Variants in EXOC4 observed in about 807,000 individuals in gnomAD.
EXOC4 encodes SEC8-like 1.
Under a neutral mutation model 107.2 loss-of-function variants are expected in EXOC4, and 71 were observed. That is an observed-to-expected ratio of 0.66 (90% CI 0.55 to 0.81). The LOEUF is 0.81. Ranked by LOEUF, EXOC4 falls within the 30% of genes least tolerant of loss-of-function variation. The probability of loss-of-function intolerance (pLI) is 0.00; values close to 1 mark genes in which losing one functional copy is unlikely to be tolerated. For missense variants in EXOC4, 1,108 were observed against 1,189.6 expected, an observed-to-expected ratio of 0.93 and a Z score of 1.01; for synonymous variants, 456 against 441.2, an observed-to-expected ratio of 1.03 and a Z score of -0.42.
chr7:133,746,000 T>G (rs1052042693), intron 10 of EXOC4, among the ~76,000 whole-genome samples: 2 of 152,140 alleles, frequency 1.3e-5, no homozygotes, highest in African/African-American at 4.8e-5. Context: ...TTAAAAAGGC[T>G]ATTTTTAAAA....
At chr7:133,694,031 C>CTT (rs1794477911) in intron 10 of EXOC4, among the ~76,000 whole-genome samples, 18 of 152,002 alleles carry the variant, frequency 1.2e-4, no homozygotes, top group Admixed American at 1.2e-3. Context: ...TTTGGGAGGC[C>CTT]AAGGTGGGCG....
At chr7:134,063,652 C>T (rs1013546120) in intron 17 of EXOC4, among the ~76,000 whole-genome samples, 4 of 152,128 alleles carry the variant, frequency 2.6e-5, no homozygotes, top group Non-Finnish European at 4.4e-5. Flanking sequence ...TCCTTGTCTC[C>T]GAGCTACTTG....
At chr7:133,633,664 G>C (rs1275629671) in intron 10 of EXOC4, among the ~76,000 whole-genome samples, 1 of 150,526 alleles carries the variant, frequency 6.6e-6, no homozygotes, top group Non-Finnish European at 1.5e-5. Flanking sequence ...GTTGCAGTGA[G>C]CTGAGATCGC....
chr7:133,734,434 C>CTTT (rs67012753), intron 10 of EXOC4, among the ~76,000 whole-genome samples: 3 of 145,690 alleles, frequency 2.1e-5, no homozygotes, highest in Non-Finnish European at 3.0e-5. Context: ...TAATTCTTCA[C>CTTT]TTTTTTTTTT....
chr7:133,468,515 A>G (rs1798789261), intron 7 of EXOC4, among the ~76,000 whole-genome samples: 1 of 152,296 alleles, frequency 6.6e-6, no homozygotes, highest in African/African-American at 2.4e-5. Flanking sequence ...AAATATCATT[A>G]TATTATTTCA....
At chr7:134,068,917 G>A (rs1011920044), downstream of EXOC4, among the ~76,000 whole-genome samples, 2 of 152,176 alleles carry the variant, frequency 1.3e-5, no homozygotes, top group Non-Finnish European at 2.9e-5. Flanking sequence ...GCCTGTTACA[G>A]CTCAGGTTGA....
chr7:133,484,285 T>C, intron 9 of EXOC4: 1 of 1,070,258 alleles, frequency 9.3e-7, no homozygotes, highest in South Asian at 2.0e-5. Flanking sequence ...CTGTTGGCAG[T>C]TGGGCTGCGG....
intron 17 of EXOC4, among the ~76,000 whole-genome samples, chr7:134,049,578 T>C (rs912563132): frequency 5.6e-4 from 85 of 152,182 alleles, no homozygotes; most frequent in African/African-American, 1.8e-3. Context: ...TATTAAGCCT[T>C]CCCTGGCTGC....
chr7:133,423,793 C>T (rs7803848), intron 7 of EXOC4, among the ~76,000 whole-genome samples: 54,781 of 151,884 alleles, frequency 0.36, 10,408 homozygotes, highest in African/African-American at 0.47. Context: ...GCCTTGTGGC[C>T]GGCACGGGAT....
chr7:134,056,164 C>A (rs1024223181), intron 17 of EXOC4, among the ~76,000 whole-genome samples: 2 of 152,042 alleles, frequency 1.3e-5, no homozygotes, highest in Admixed American at 6.6e-5. Flanking sequence ...CTTTTTATCA[C>A]CCTATGATAT....
intron 10 of EXOC4, among the ~76,000 whole-genome samples, chr7:133,765,514 C>T (rs991169077): frequency 9.9e-5 from 15 of 152,006 alleles, no homozygotes; most frequent in South Asian, 2.1e-4. Context: ...ATGGACAAAT[C>T]GTTTATTTCT....
chr7:133,588,126 G>A (rs1801449545), intron 9 of EXOC4, among the ~76,000 whole-genome samples: 1 of 152,160 alleles, frequency 6.6e-6, no homozygotes, highest in South Asian at 2.1e-4. Flanking sequence ...CTACTGGAAG[G>A]CAGGAATGCC....
chr7:134,000,495 A>G (rs189065141), intron 15 of EXOC4, among the ~76,000 whole-genome samples: 26 of 152,242 alleles, frequency 1.7e-4, no homozygotes, highest in African/African-American at 6.0e-4. Context: ...GTGATTAAGA[A>G]TTAGTTGGTT....
At chr7:133,782,753 C>CT (rs2151175024) in intron 10 of EXOC4, among the ~76,000 whole-genome samples, 1 of 152,200 alleles carries the variant, frequency 6.6e-6, no homozygotes, top group South Asian at 2.1e-4. Flanking sequence ...GACCCGGGTA[C>CT]TTAACTACAA....
At chr7:133,848,520 C>T (rs1177612465) in intron 11 of EXOC4, among the ~76,000 whole-genome samples, 1 of 152,192 alleles carries the variant, frequency 6.6e-6, no homozygotes, top group African/African-American at 2.4e-5. Flanking sequence ...GTAATTGTAT[C>T]TTAGATAGAA....
chr7:133,510,541 T>C (rs1402573296), intron 9 of EXOC4, among the ~76,000 whole-genome samples: 2 of 152,164 alleles, frequency 1.3e-5, no homozygotes, highest in Non-Finnish European at 2.9e-5. Flanking sequence ...TTTTCTTATC[T>C]CTAAAAGGTG....
At chr7:133,580,464 T>G (rs986176466) in intron 9 of EXOC4, among the ~76,000 whole-genome samples, 2 of 152,222 alleles carry the variant, frequency 1.3e-5, no homozygotes, top group Admixed American at 6.5e-5. Flanking sequence ...TTCACAGTAG[T>G]GCCCATAGGT....
At chr7:133,667,810 C>T (rs527428444) in intron 10 of EXOC4, among the ~76,000 whole-genome samples, 1 of 152,304 alleles carries the variant, frequency 6.6e-6, no homozygotes, top group Admixed American at 6.5e-5. Flanking sequence ...TTCCAACAGT[C>T]ACTCAGTTGT....
chr7:133,541,290 A>G (rs575100645), intron 9 of EXOC4, among the ~76,000 whole-genome samples: 1 of 152,156 alleles, frequency 6.6e-6, no homozygotes, highest in East Asian at 1.9e-4. Context: ...CTTCAGCTTA[A>G]TTTTTCACGT....
Sources: gnomAD v4.1 joint callset for allele counts (sites outside exome capture counted in the v4.1 genomes callset) on GRCh38, gnomAD v4.1.1 for gene constraint, MANE v1.5 for transcripts, NCBI Gene and HGNC (gene_info 2026-07-23, HGNC 2026-07-21) for gene names.